TAFA1: variants seen among roughly 807,000 people sequenced by gnomAD.
TAFA1 encodes the protein TAFA chemokine like family member 1.
Under a neutral mutation model 18.5 loss-of-function variants are expected in TAFA1, and 4 were observed. The observed-to-expected ratio is 0.22, with a 90% CI of 0.11 to 0.49. The LOEUF (loss-of-function observed/expected upper bound fraction) is 0.49. Among genes scored for constraint, TAFA1 ranks in the 20% least tolerant of loss-of-function variants. The pLI, the probability that TAFA1 is intolerant of heterozygous loss-of-function variation, is 0.98. For synonymous variants in TAFA1, 56 were observed against 55.2 expected (o/e 1.01, Z -0.06); for missense variants, 147 against 169.0 (o/e 0.87, Z 0.72).
chr3:68,311,844 G>A (rs2068525191), intron 2 of TAFA1, among the ~76,000 whole-genome samples: 1 of 152,222 alleles, frequency 6.6e-6, no homozygotes, highest in Non-Finnish European at 1.5e-5. Context: ...CCCCACTAGG[G>A]ACTCTGTGTG....
intron 2 of TAFA1, among the ~76,000 whole-genome samples, chr3:68,060,851 C>T (rs557113412): frequency 2.0e-5 from 3 of 152,152 alleles, no homozygotes; most frequent in Admixed American, 1.3e-4. Flanking sequence ...CTTTTGATTG[C>T]TCTTGTTAGT....
At position 68,140,748 on chromosome 3, in the gene TAFA1, CA is replaced by C. The variant is rs1212544452; in HGVS notation, c.118+134005del. On this transcript the variant is annotated intron_variant, in intron 2 of 4. Coordinates refer to ENST00000478136, the MANE Select transcript of TAFA1 (RefSeq NM_213609.4). ...ATTGAAGGTACTCAGTGGCAATAGT[CA>C]GTATTAAACTTATCTCTAATTTATA... Among the ~76,000 whole-genome samples, 3 of 152,302 alleles carry C rather than the reference CA, an allele frequency of 2.0e-5. No homozygotes were observed. The East Asian group carries it at 5.8e-4, about 29-fold the overall frequency.
At chr3:68,341,048 AATAACCACCCAAT>A (rs1488849654) in intron 2 of TAFA1, among the ~76,000 whole-genome samples, 3 of 152,110 alleles carry the variant, frequency 2.0e-5, no homozygotes, top group African/African-American at 7.2e-5. Context: ...AGAATAAGAG[AATAACCACCCAAT>A]GGGTTCACCT....
chr3:68,015,142 A>G (rs1393813024), intron 2 of TAFA1, among the ~76,000 whole-genome samples: 1 of 152,204 alleles, frequency 6.6e-6, no homozygotes, highest in Non-Finnish European at 1.5e-5. Context: ...AGTTATACCC[A>G]GCAGACTAAA....
intron 3 of TAFA1, among the ~76,000 whole-genome samples, chr3:68,520,889 G>A (rs2073010760): frequency 6.6e-6 from 1 of 152,212 alleles, no homozygotes; most frequent in Admixed American, 6.5e-5. Context: ...CTTTGGTGCA[G>A]TCAAACACCT....
At chr3:68,172,481 C>T (rs2066068616) in intron 2 of TAFA1, among the ~76,000 whole-genome samples, 1 of 152,080 alleles carries the variant, frequency 6.6e-6, no homozygotes, top group African/African-American at 2.4e-5. Context: ...CTTTAGAGAA[C>T]AGTTAAGTAG....
At chr3:68,263,831 G>T (rs531549373) in intron 2 of TAFA1, among the ~76,000 whole-genome samples, 3 of 152,158 alleles carry the variant, frequency 2.0e-5, no homozygotes, top group South Asian at 4.2e-4. Flanking sequence ...AGCACACAAG[G>T]TGATTTGGGG....
At chr3:68,314,396 G>A (rs6762070) in intron 2 of TAFA1, among the ~76,000 whole-genome samples, 62,446 of 151,986 alleles carry the variant, frequency 0.41, 14,970 homozygotes, top group Non-Finnish European at 0.54. Flanking sequence ...GCAAAGTCAT[G>A]CCACCAACAC....
intron 2 of TAFA1, among the ~76,000 whole-genome samples, chr3:68,097,556 C>G (rs1333184515): frequency 6.6e-6 from 1 of 152,016 alleles, no homozygotes; most frequent in African/African-American, 2.4e-5. Flanking sequence ...TGTTTTGAAT[C>G]CATGTCGATT....
chr3:68,178,093 A>G (rs2066148215), intron 2 of TAFA1, among the ~76,000 whole-genome samples: 1 of 152,064 alleles, frequency 6.6e-6, no homozygotes, highest in South Asian at 2.1e-4. Flanking sequence ...GCAGTGAGCC[A>G]AGATGGCACC....
rs562807104 is a variant in TAFA1 at position 68,525,307 on chromosome 3, A to G, written c.260-13449A>G. Among the ~76,000 whole-genome samples the G allele has an allele frequency of 3.5e-4, 53 of 152,324 alleles. No individual in the cohort carries two copies. In the South Asian group the frequency reaches 9.7e-3, roughly 28 times the overall value. On this transcript the variant is annotated intron_variant, in intron 3 of 4. Coordinates refer to ENST00000478136, the MANE Select transcript of TAFA1 (RefSeq NM_213609.4). ...GCGGGTTTGATATTAGTGAAATTAC[A>G]TATTTCAAAATATAAGAATCCTTAT...
chr3:68,432,009 C>T, intron 3 of TAFA1, among the ~76,000 whole-genome samples: 1 of 151,936 alleles, frequency 6.6e-6, no homozygotes, highest in East Asian at 1.9e-4. Flanking sequence ...CATACAATGT[C>T]TGGAATTTAC....
chr3:68,267,657 C>G (rs908153766), intron 2 of TAFA1, among the ~76,000 whole-genome samples: 14 of 151,794 alleles, frequency 9.2e-5, no homozygotes, highest in Admixed American at 2.0e-4. Flanking sequence ...CTATCTTGCA[C>G]AGGTTATTTG....
In TAFA1 at chr3:68,524,335, A is replaced by T. The variant is rs1053768398; in HGVS notation, c.260-14421A>T. Among the ~76,000 whole-genome samples, 3 of 152,102 alleles carry T rather than the reference A, an allele frequency of 2.0e-5. No individual in the cohort carries two copies. The South Asian group carries it at 6.2e-4, about 31-fold the overall frequency. On this transcript the variant is annotated intron_variant, in intron 3 of 4. Coordinates refer to ENST00000478136, the MANE Select transcript of TAFA1 (RefSeq NM_213609.4). ...CTCTTGCTTGCTAACCTTTTATTGG[A>T]TGAAAAAATCATATAACCAAACCCA...
At chr3:68,338,075 G>T (rs1397362751) in intron 2 of TAFA1, among the ~76,000 whole-genome samples, 1 of 152,206 alleles carries the variant, frequency 6.6e-6, no homozygotes, top group Non-Finnish European at 1.5e-5. Context: ...TGCAGTACAA[G>T]GTTGTGTTGA....
At chr3:68,106,136 C>T (rs763148158) in intron 2 of TAFA1, among the ~76,000 whole-genome samples, 3 of 151,838 alleles carry the variant, frequency 2.0e-5, no homozygotes, top group Non-Finnish European at 4.4e-5. Context: ...AAAAATGTTA[C>T]TGGGACAATT....
the TAFA1 span, among the ~76,000 whole-genome samples, chr3:67,991,731 G>C: frequency 1.5e-3 from 225 of 152,262 alleles, 1 homozygote; most frequent in African/African-American, 5.0e-3. Context: ...CTTGGATTGA[G>C]CCACGCTACT....
At chr3:68,410,608 T>G (rs1336948987) in intron 2 of TAFA1, among the ~76,000 whole-genome samples, 1 of 148,612 alleles carries the variant, frequency 6.7e-6, no homozygotes, top group Non-Finnish European at 1.5e-5. Context: ...CTTTATTCTA[T>G]ATCCTCTGCC....
Position 68,256,917 on chromosome 3 carries a change from G to A in TAFA1, c.119-160363G>A, listed in dbSNP as rs543175611. Among the ~76,000 whole-genome samples the A allele has an allele frequency of 1.7e-4, 26 of 151,996 alleles. No homozygotes were observed. The East Asian group carries it at 1.9e-3, about 11-fold the overall frequency. Reference sequence around the variant, plus strand: ...GCCCCCTCCAGTCTCTTTTCCACACGGCAGCCAATATCATTTCTTATGATT... The same window carrying A: ...GCCCCCTCCAGTCTCTTTTCCACACAGCAGCCAATATCATTTCTTATGATT... On this transcript the variant is annotated intron_variant, in intron 2 of 4. Transcript: ENST00000478136.
Sources: gnomAD v4.1 joint callset for allele counts (sites outside exome capture counted in the v4.1 genomes callset) on GRCh38, gnomAD v4.1.1 for gene constraint, MANE v1.5 for transcripts, NCBI Gene and HGNC (gene_info 2026-07-23, HGNC 2026-07-21) for gene names.